The following SIPA1L1 variants were observed in gnomAD, a reference collection of about 807,000 sequenced individuals.
SIPA1L1 encodes the protein signal induced proliferation associated 1 like 1.
SIPA1L1 carries 26 observed loss-of-function variants against 162.7 expected under a neutral mutation model. The ratio of observed to expected loss-of-function variants is 0.16; its 90% CI spans 0.12 to 0.22. The LOEUF is 0.22. Ranked by LOEUF, SIPA1L1 falls within the 10% of genes least tolerant of loss-of-function variation. The probability of loss-of-function intolerance (pLI) is 1.00; values close to 1 mark genes in which losing one functional copy is unlikely to be tolerated. For synonymous variants in SIPA1L1, 829 were observed against 837.4 expected (o/e 0.99, Z 0.17); for missense variants, 1,874 against 2,241.0 (o/e 0.84, Z 3.31).
intron 7 of SIPA1L1, among the ~76,000 whole-genome samples, chr14:71,636,468 G>A (rs1419099958): frequency 2.0e-5 from 3 of 152,070 alleles, no homozygotes; most frequent in Non-Finnish European, 4.4e-5. Flanking sequence ...AACACTTCAA[G>A]GGAAATGAAA....
chr14:71,521,385 G>A (rs2052339141), intron 3 of SIPA1L1, among the ~76,000 whole-genome samples: 1 of 152,220 alleles, frequency 6.6e-6, no homozygotes. Context: ...GTATGAGGCA[G>A]TGGTAATAAA....
At position 71,343,213 on chromosome 14, in the gene SIPA1L1, G is replaced by A. The variant is rs140665023; in HGVS notation, c.-465+22032G>A. ...GTCCTATAACCACAATAATCCAACA[G>A]TATTGAGGACATGCCACCCTCAAAC... On this transcript the variant is annotated intron_variant, in intron 2 of 23. Transcript: ENST00000381232. Among the ~76,000 whole-genome samples, 116 of 152,286 alleles carry A rather than the reference G, an allele frequency of 7.6e-4. 1 individual carries two copies. In the East Asian group the frequency reaches 0.019, roughly 24 times the overall value.
chr14:71,453,151 T>G (rs2045945102), intron 2 of SIPA1L1, among the ~76,000 whole-genome samples: 1 of 152,250 alleles, frequency 6.6e-6, no homozygotes, highest in Non-Finnish European at 1.5e-5. Flanking sequence ...TTAAGAAATC[T>G]AAAAGGAAAT....
At chr14:71,546,816 T>C (rs1000642534) in intron 4 of SIPA1L1, among the ~76,000 whole-genome samples, 1 of 152,204 alleles carries the variant, frequency 6.6e-6, no homozygotes, top group Non-Finnish European at 1.5e-5. Context: ...ATGCTTCCCT[T>C]GGACCTCTTT....
chr14:71,550,974 TTCCTC>T (rs1300589884), intron 4 of SIPA1L1, among the ~76,000 whole-genome samples: 1 of 152,146 alleles, frequency 6.6e-6, no homozygotes, highest in South Asian at 2.1e-4. Flanking sequence ...TCATTTCCCT[TTCCTC>T]TCCAGCCACA....
intron 2 of SIPA1L1, among the ~76,000 whole-genome samples, chr14:71,451,646 A>G (rs1408270157): frequency 2.6e-5 from 4 of 151,674 alleles, no homozygotes; most frequent in Non-Finnish European, 5.9e-5. Context: ...AAAAAAAAAA[A>G]AAAAAAGAAA....
intron 2 of SIPA1L1, among the ~76,000 whole-genome samples, chr14:71,335,173 G>T (rs555347274): frequency 6.6e-6 from 1 of 152,146 alleles, no homozygotes; most frequent in East Asian, 1.9e-4. Context: ...GGTAGTGGGC[G>T]CCTGTAGTTC....
chr14:71,590,657 T>C (rs186478407), intron 5 of SIPA1L1, among the ~76,000 whole-genome samples: 30 of 152,340 alleles, frequency 2.0e-4, no homozygotes, highest in Admixed American at 2.0e-3. Flanking sequence ...GGAATCAATA[T>C]GTATTGCATA....
intron 13 of SIPA1L1, among the ~76,000 whole-genome samples, chr14:71,694,477 G>A (rs2081480602): frequency 1.3e-5 from 2 of 151,496 alleles, no homozygotes; most frequent in South Asian, 2.1e-4. Context: ...TTTCAATTGC[G>A]CATTCTTAGT....
At chr14:71,373,076 C>T (rs1290534883) in intron 2 of SIPA1L1, among the ~76,000 whole-genome samples, 1 of 152,094 alleles carries the variant, frequency 6.6e-6, no homozygotes, top group East Asian at 1.9e-4. Flanking sequence ...CTTTGGGAGG[C>T]CGATGCAGGC....
chr14:71,703,474 A>G (rs573841169), intron 15 of SIPA1L1, among the ~76,000 whole-genome samples: 1 of 152,288 alleles, frequency 6.6e-6, no homozygotes, highest in African/African-American at 2.4e-5. Flanking sequence ...TGGAGTTCCT[A>G]GGTTCTGAAG....
intron 2 of SIPA1L1, among the ~76,000 whole-genome samples, chr14:71,489,374 T>G (rs566065183): frequency 6.6e-6 from 1 of 152,330 alleles, no homozygotes; most frequent in Non-Finnish European, 1.5e-5. Flanking sequence ...CACTCATTAC[T>G]TCCAGGAAAT....
intron 4 of SIPA1L1, among the ~76,000 whole-genome samples, chr14:71,575,403 T>A (rs1243606196): frequency 6.6e-6 from 1 of 152,212 alleles, no homozygotes; most frequent in African/African-American, 2.4e-5. Flanking sequence ...AGAAGACGTA[T>A]ACTTTTCACT....
intron 2 of SIPA1L1, among the ~76,000 whole-genome samples, chr14:71,457,912 G>A (rs1014048035): frequency 6.6e-6 from 1 of 152,078 alleles, no homozygotes; most frequent in Non-Finnish European, 1.5e-5. Flanking sequence ...TGAACATTAA[G>A]TTGTAGGAGT....
At chr14:71,599,468 T>A (rs1396139134) in intron 5 of SIPA1L1, among the ~76,000 whole-genome samples, 2 of 151,568 alleles carry the variant, frequency 1.3e-5, no homozygotes, top group African/African-American at 4.8e-5. Flanking sequence ...TTCTTTTTTT[T>A]TTTTTTTTTT....
rs575896718 is a variant in SIPA1L1, at chr14:71,660,797, A to C, written c.2098-513A>C. On this transcript the variant is annotated intron_variant, in intron 9 of 23. Coordinates refer to ENST00000381232, the MANE Select transcript of SIPA1L1 (RefSeq NM_001386936.1). ...AAGAAGCTGTTTAAACCTGAAATTT[A>C]CCTGCTTTTAATTGTTGCAACATTC... is the stretch of plus-strand genomic sequence containing the variant. 3.3e-5 allele frequency among the ~76,000 whole-genome samples: 5 copies of C among 152,328 alleles called. No homozygotes were observed. In the East Asian group the frequency reaches 9.6e-4, roughly 29 times the overall value.
chr14:71,534,495 C>A (rs1377205341), intron 4 of SIPA1L1, among the ~76,000 whole-genome samples: 1 of 152,106 alleles, frequency 6.6e-6, no homozygotes, highest in African/African-American at 2.4e-5. Context: ...GTGATTATAT[C>A]TTATTCCATC....
chr14:71,682,840 T>A (rs551568712), intron 12 of SIPA1L1, among the ~76,000 whole-genome samples: 140 of 152,334 alleles, frequency 9.2e-4, no homozygotes, highest in Non-Finnish European at 1.9e-4. Flanking sequence ...TGATGCAAAA[T>A]GGACTTAAAA....
chr14:71,650,178 T>A (rs1033920297), intron 7 of SIPA1L1, 157 bp from the exon 8 acceptor site: 2 of 766,760 alleles, frequency 2.6e-6, no homozygotes, highest in African/African-American at 3.5e-5. Context: ...CTTGCTCCAC[T>A]TAATTTTGGA....
Sources: gnomAD v4.1 joint callset for allele counts (sites outside exome capture counted in the v4.1 genomes callset) on GRCh38, gnomAD v4.1.1 for gene constraint, MANE v1.5 for transcripts, NCBI Gene and HGNC (gene_info 2026-07-23, HGNC 2026-07-21) for gene names.